Variants in CTNND2 observed in about 807,000 individuals in gnomAD.
CTNND2 encodes catenin delta-2.
A neutral mutation model predicts 144.4 loss-of-function variants in CTNND2; 22 were observed. The observed-to-expected ratio is 0.15, with a 90% CI of 0.11 to 0.22. CTNND2 has a LOEUF of 0.22. CTNND2 is among the 10% of genes least tolerant of loss of function. The pLI, the probability that CTNND2 is intolerant of heterozygous loss-of-function variation, is 1.00. For synonymous variants in CTNND2, 751 were observed against 695.6 expected, an observed-to-expected ratio of 1.08 and a Z score of -1.25; for missense variants, 1,353 against 1,618.8, an observed-to-expected ratio of 0.84 and a Z score of 2.82.
intron 12 of CTNND2, among the ~76,000 whole-genome samples, chr5:11,141,313 A>G (rs1215865802): frequency 1.3e-5 from 2 of 152,040 alleles, no homozygotes; most frequent in Admixed American, 1.3e-4. Flanking sequence ...TTAATTTTGT[A>G]AATTGTTGGT....
intron 3 of CTNND2, among the ~76,000 whole-genome samples, chr5:11,537,276 C>T (rs1377305509): frequency 7.9e-5 from 12 of 152,122 alleles, no homozygotes; most frequent in Non-Finnish European, 1.5e-4. Context: ...ATGACCCAAG[C>T]GTCTTCAATG....
intron 12 of CTNND2, among the ~76,000 whole-genome samples, chr5:11,117,784 T>C (rs1753713455): frequency 6.6e-6 from 1 of 152,186 alleles, no homozygotes; most frequent in Non-Finnish European, 1.5e-5. Flanking sequence ...ACTCCTGGAA[T>C]AGACAATGAA....
intron 16 of CTNND2, among the ~76,000 whole-genome samples, chr5:11,076,124 A>G (rs763409382): frequency 2.0e-5 from 3 of 152,242 alleles, no homozygotes; most frequent in Admixed American, 2.0e-4. Flanking sequence ...CACAAAAAAC[A>G]TAAGAGACAA....
chr5:11,864,387 A>G (rs1582027000), intron 1 of CTNND2, among the ~76,000 whole-genome samples: 1 of 152,192 alleles, frequency 6.6e-6, no homozygotes, highest in East Asian at 1.9e-4. Flanking sequence ...TGACATTTTG[A>G]TTATTTACAA....
At chr5:11,663,928 T>C (rs1259746848) in intron 2 of CTNND2, among the ~76,000 whole-genome samples, 4 of 152,192 alleles carry the variant, frequency 2.6e-5, no homozygotes, top group African/African-American at 9.6e-5. Context: ...GGGATCTGAT[T>C]GGCAACACTC....
intron 1 of CTNND2, among the ~76,000 whole-genome samples, chr5:11,751,524 C>T (rs1393622416): frequency 1.3e-5 from 2 of 151,738 alleles, no homozygotes; most frequent in Non-Finnish European, 1.5e-5. Context: ...TTAGGATAAT[C>T]GCCTCCAGCT....
intron 16 of CTNND2, among the ~76,000 whole-genome samples, chr5:11,055,994 T>G (rs1416400086): frequency 6.6e-6 from 1 of 152,208 alleles, no homozygotes; most frequent in Non-Finnish European, 1.5e-5. Context: ...CACATGGTAG[T>G]GCAGGTTCTC....
At chr5:11,290,120 G>A (rs1371006136) in intron 9 of CTNND2, among the ~76,000 whole-genome samples, 1 of 152,176 alleles carries the variant, frequency 6.6e-6, no homozygotes, top group African/African-American at 2.4e-5. Context: ...CTCCTAAAGA[G>A]TGGAGAATAG....
At chr5:11,725,041 G>A (rs1786933763) in intron 2 of CTNND2, among the ~76,000 whole-genome samples, 1 of 152,172 alleles carries the variant, frequency 6.6e-6, no homozygotes, top group African/African-American at 2.4e-5. Context: ...AAAGGAGGAT[G>A]CTAATCTTCA....
At position 11,857,640 on chromosome 5, in the gene CTNND2, T is replaced by TA. The variant is rs1261835596; in HGVS notation, c.37+46176dup. Among the ~76,000 whole-genome samples the TA allele has an allele frequency of 2.0e-5, 3 of 152,156 alleles. No homozygotes were observed. The East Asian group carries it at 5.8e-4, about 29-fold the overall frequency. On this transcript the variant is annotated intron_variant, in intron 1 of 21. Coordinates refer to ENST00000304623, the MANE Select transcript of CTNND2 (RefSeq NM_001332.4). Reference sequence around the variant, plus strand: ...TGGGGTCAATAAGCAGAAGAGCTGATATATATTAAGTACGGGTTAACCTAG... The same window carrying TA: ...TGGGGTCAATAAGCAGAAGAGCTGATAATATATTAAGTACGGGTTAACCTAG...
intron 8 of CTNND2, among the ~76,000 whole-genome samples, chr5:11,349,884 C>G (rs1755155792): frequency 6.6e-6 from 1 of 152,160 alleles, no homozygotes; most frequent in Non-Finnish European, 1.5e-5. Flanking sequence ...TACATTTACA[C>G]TGTTTCACTT....
intron 16 of CTNND2, among the ~76,000 whole-genome samples, chr5:11,076,681 G>A (rs1190561481): frequency 6.6e-6 from 1 of 152,176 alleles, no homozygotes; most frequent in Non-Finnish European, 1.5e-5. Context: ...GGAAAGCCAA[G>A]GGAGAGGCAA....
At chr5:11,882,245 T>G (rs1736173436) in intron 1 of CTNND2, among the ~76,000 whole-genome samples, 1 of 152,086 alleles carries the variant, frequency 6.6e-6, no homozygotes, top group Admixed American at 6.6e-5. Flanking sequence ...CATTTATGTA[T>G]TTTTGCTTTT....
At chr5:11,279,922 A>G (rs1174754246) in intron 9 of CTNND2, among the ~76,000 whole-genome samples, 1 of 152,160 alleles carries the variant, frequency 6.6e-6, no homozygotes, top group East Asian at 1.9e-4. Context: ...ATGGTGCTAA[A>G]CCATTCATGA....
chr5:11,581,450 G>C (rs1396981950), intron 2 of CTNND2, among the ~76,000 whole-genome samples: 1 of 152,084 alleles, frequency 6.6e-6, no homozygotes, highest in Non-Finnish European at 1.5e-5. Context: ...TCTTTTTCAG[G>C]TTGATAGTGA....
intron 2 of CTNND2, among the ~76,000 whole-genome samples, chr5:11,630,072 A>G (rs924423069): frequency 6.6e-6 from 1 of 152,164 alleles, no homozygotes; most frequent in Admixed American, 6.6e-5. Flanking sequence ...TGAAAAAGAC[A>G]TACTGTGACT....
At chr5:11,158,150 G>A (rs1410222292) in intron 12 of CTNND2, among the ~76,000 whole-genome samples, 1 of 152,198 alleles carries the variant, frequency 6.6e-6, no homozygotes, top group East Asian at 1.9e-4. Flanking sequence ...AATTGCTTCT[G>A]AGACAGTTCC....
chr5:11,153,815 G>A (rs11953748), intron 12 of CTNND2, among the ~76,000 whole-genome samples: 7,258 of 151,364 alleles, frequency 0.048, 485 homozygotes, highest in East Asian at 0.34. Context: ...CAGCGGCACC[G>A]GGAAATGAGC....
At chr5:11,806,627 T>C (rs1036857638) in intron 1 of CTNND2, among the ~76,000 whole-genome samples, 1 of 152,080 alleles carries the variant, frequency 6.6e-6, no homozygotes, top group Admixed American at 6.6e-5. Context: ...TGTAAAAACC[T>C]GGGTAAGTTC....
Sources: gnomAD v4.1 joint callset for allele counts (sites outside exome capture counted in the v4.1 genomes callset) on GRCh38, gnomAD v4.1.1 for gene constraint, MANE v1.5 for transcripts, NCBI Gene and HGNC (gene_info 2026-07-23, HGNC 2026-07-21) for gene names.